PIEZO2: variants seen among roughly 807,000 people sequenced by gnomAD.
The protein encoded by PIEZO2 is piezo-type mechanosensitive ion channel component 2.
Under a neutral mutation model 337.3 loss-of-function variants are expected in PIEZO2, and 172 were observed. That is an observed-to-expected ratio of 0.51 (90% CI 0.45 to 0.58). The LOEUF (loss-of-function observed/expected upper bound fraction) is 0.58. PIEZO2 is among the 20% of genes least tolerant of loss of function. PIEZO2 has a pLI of 0.00. For synonymous variants in PIEZO2, 1,251 were observed against 1,228.5 expected, an observed-to-expected ratio of 1.02 and a Z score of -0.38; for missense variants, 3,028 against 3,391.3, an observed-to-expected ratio of 0.89 and a Z score of 2.66.
intron 1 of PIEZO2, among the ~76,000 whole-genome samples, chr18:11,103,057 G>A (rs1316184332): frequency 6.6e-6 from 1 of 152,112 alleles, no homozygotes; most frequent in Non-Finnish European, 1.5e-5. Flanking sequence ...ATTTGTGGAG[G>A]GGTTTGAGAG....
intron 3 of PIEZO2, among the ~76,000 whole-genome samples, chr18:10,971,196 T>G (rs977812767): frequency 6.6e-6 from 1 of 152,178 alleles, no homozygotes; most frequent in East Asian, 1.9e-4. Flanking sequence ...CAAAGCCATC[T>G]TCAAAATTTT....
chr18:11,138,385 T>A (rs1331776196), intron 1 of PIEZO2, among the ~76,000 whole-genome samples: 1 of 152,202 alleles, frequency 6.6e-6, no homozygotes, highest in African/African-American at 2.4e-5. Flanking sequence ...AACCTCTGCC[T>A]CTGGGACTCA....
chr18:10,965,679 A>G (rs2033967279), intron 3 of PIEZO2, among the ~76,000 whole-genome samples: 1 of 152,228 alleles, frequency 6.6e-6, no homozygotes, highest in South Asian at 2.1e-4. Flanking sequence ...TAAACAACAG[A>G]TTTATATGTG....
intron 3 of PIEZO2, among the ~76,000 whole-genome samples, chr18:10,970,775 T>C (rs1003031302): frequency 1.3e-5 from 2 of 151,734 alleles, no homozygotes; most frequent in African/African-American, 2.4e-5. Context: ...ACTTGATCCA[T>C]GCCAGGAACT....
intron 36 of PIEZO2, chr18:10,725,407 A>G (rs1423340193): frequency 3.1e-6 from 5 of 1,604,324 alleles, no homozygotes; most frequent in African/African-American, 2.7e-5. Flanking sequence ...TTGGCGGTCA[A>G]CCTGACCAGA....
chr18:11,103,242 C>T (rs542843286), intron 1 of PIEZO2, among the ~76,000 whole-genome samples: 1 of 152,306 alleles, frequency 6.6e-6, no homozygotes, highest in East Asian at 1.9e-4. Context: ...AAATAAACAA[C>T]TTATACAATA....
chr18:10,725,992 C>G (rs1219986078), intron 36 of PIEZO2, among the ~76,000 whole-genome samples: 8 of 152,146 alleles, frequency 5.3e-5, no homozygotes, highest in Non-Finnish European at 1.2e-4. Flanking sequence ...TGGTTTTTAC[C>G]GAAGGCATCA....
intron 4 of PIEZO2, among the ~76,000 whole-genome samples, chr18:10,880,221 C>T (rs1470342697): frequency 6.6e-6 from 1 of 152,178 alleles, no homozygotes; most frequent in Non-Finnish European, 1.5e-5. Flanking sequence ...CCAATTGAGG[C>T]ACTGATGGCC....
At position 10,789,330 on chromosome 18, in the gene PIEZO2, G is replaced by A. The variant is rs1598482424; in HGVS notation, c.1918C>T (p.Pro640Ser). The change falls in exon 15 of 56, where the codon CCC becomes TCC. Residue 640 changes from proline (P) to serine (S), a missense_variant. Around this residue, in one of 5 missense-constraint regions of PIEZO2, gnomAD observed 1,925 missense variants for 2,051.9 expected, o/e 0.94. Coordinates refer to ENST00000674853, the MANE Select transcript of PIEZO2 (RefSeq NM_001378183.1). ...ELQDIQVEGEPKEEEEEEAKE... is the reference protein window; with the variant it reads ...ELQDIQVEGESKEEEEEEAKE... Reference sequence around the variant, plus strand: ...GCTTCCTCTTCTTCCTCCTCTTTGGGCTCTCCTTCCACTTGTATATCTTGA... The same window carrying A: ...GCTTCCTCTTCTTCCTCCTCTTTGGACTCTCCTTCCACTTGTATATCTTGA... 2.0e-6 allele frequency: 3 copies of A among 1,536,686 alleles called. No individual in the cohort carries two copies. In the East Asian group the frequency reaches 7.3e-5, roughly 38 times the overall value.
Position 10,821,801 on chromosome 18 carries a change from G to A in PIEZO2, c.918-14527C>T, listed in dbSNP as rs999642268. Among the ~76,000 whole-genome samples, 6 of 152,032 alleles carry A rather than the reference G, an allele frequency of 3.9e-5. No homozygotes were observed. The highest frequency in any genetic ancestry group is 1.4e-4 in the African/African-American group (6 of 41,410). ...CTCTTTCAACTTCTTCCACACTTTTGTCTTTCTTGAATTCTTAGCAGAGAA... is the reference window on the plus strand; with the variant it reads ...CTCTTTCAACTTCTTCCACACTTTTATCTTTCTTGAATTCTTAGCAGAGAA... On this transcript the variant is annotated intron_variant, in intron 7 of 55. Transcript: ENST00000674853. This position sits in a 1 kb window ranked among gnomAD's most constrained non-coding sequence, Gnocchi z 4.2.
rs1213329366 is a variant in PIEZO2 at position 10,715,965 on chromosome 18, G to A, written c.5090-149C>T. The A allele has an allele frequency of 3.2e-5, 21 of 656,202 alleles. No homozygotes were observed. The East Asian group carries it at 3.6e-4, about 11-fold the overall frequency. The allele number at this position is 656,202 out of a possible 1,614,324, so 40.6% of individuals were successfully genotyped here. ...TGTGACTCAGATACTCATGACGCAC[G>A]GAGGAGAGCTGCCATGCAGGAAGCT... On this transcript the variant is annotated intron_variant, in intron 37 of 55. Transcript: ENST00000674853.
At chr18:10,851,181 G>A (rs1159892705) in intron 7 of PIEZO2, among the ~76,000 whole-genome samples, 2 of 85,326 alleles carry the variant, frequency 2.3e-5, no homozygotes, top group Non-Finnish European at 5.0e-5. Context: ...TTGCCAGTCT[G>A]CAGTTTGTTT....
intron 7 of PIEZO2, among the ~76,000 whole-genome samples, chr18:10,808,919 A>G (rs1377399565): frequency 6.6e-6 from 1 of 152,202 alleles, no homozygotes; most frequent in Non-Finnish European, 1.5e-5. Context: ...CCTGGCACAT[A>G]TGCTAGAACT....
Position 11,078,708 on chromosome 18 carries a change from T to C in PIEZO2, c.65-12486A>G, listed in dbSNP as rs2038636559. On this transcript the variant is annotated intron_variant, in intron 1 of 55. Coordinates refer to ENST00000674853, the MANE Select transcript of PIEZO2 (RefSeq NM_001378183.1). The surrounding 1 kb of genome is among the most constrained non-coding windows in gnomAD (Gnocchi z 5.3). The stretch of plus-strand genomic sequence containing the variant: ...AGACACATGCGGCCTCTGACCACAG[T>C]GTGAAAACCTCGCTCCCAGAGCAAC... Among the ~76,000 whole-genome samples the C allele has an allele frequency of 6.6e-6, 1 of 152,198 alleles. No individual in the cohort carries two copies. The highest frequency in any genetic ancestry group is 2.1e-4 in the South Asian group (1 of 4,826).
rs578017861 is a variant in PIEZO2 at position 10,955,278 on chromosome 18, G to A, written c.286+24257C>T. Among the ~76,000 whole-genome samples the A allele has an allele frequency of 4.6e-5, 7 of 152,300 alleles. No individual in the cohort carries two copies. The East Asian group carries it at 5.8e-4, about 13-fold the overall frequency. On this transcript the variant is annotated intron_variant, in intron 3 of 55. Transcript: ENST00000674853. ...AAAAAGGACTTTAGGAAGAGCAATC[G>A]AGGTTGGGCTCAGGTAGGAAAACGA... is the stretch of plus-strand genomic sequence containing the variant.
intron 15 of PIEZO2, among the ~76,000 whole-genome samples, chr18:10,788,709 C>G (rs1027066341): frequency 6.6e-6 from 1 of 152,244 alleles, no homozygotes; most frequent in East Asian, 1.9e-4. Context: ...TACCAAGAAG[C>G]TAGGACTACA....
In PIEZO2 at chr18:10,759,388, G is replaced by A; in HGVS notation, c.3757+94C>T. On this transcript the variant is annotated intron_variant, in intron 26 of 55. Transcript: ENST00000674853. This position sits in a 1 kb window ranked among gnomAD's most constrained non-coding sequence, Gnocchi z 5.5. ...CCTTTACATGATTACGAAGTCTAGT[G>A]GAAGACAAAAGGCACTAATGCATAG... The A allele has an allele frequency of 9.5e-7, 1 of 1,050,650 alleles. No homozygotes were observed. Among genetic ancestry groups the A allele is most frequent in the Middle Eastern group, 3.0e-4 (1 of 3,354 alleles). 65.1% of individuals were successfully genotyped at this position (1,050,650 alleles called of 1,614,324 possible).
At chr18:10,752,003 G>A (rs950722209) in intron 28 of PIEZO2, among the ~76,000 whole-genome samples, 1 of 152,208 alleles carries the variant, frequency 6.6e-6, no homozygotes, top group African/African-American at 2.4e-5. Context: ...GCGGGTTGTG[G>A]GGGGGGAGGG....
chr18:11,020,552 T>C (rs2036274075), intron 2 of PIEZO2, among the ~76,000 whole-genome samples: 1 of 152,144 alleles, frequency 6.6e-6, no homozygotes, highest in Admixed American at 6.5e-5. Context: ...CACTCACAGC[T>C]CTTGGGGCTG....
Sources: allele counts gnomAD v4.1 joint callset (sites outside exome capture counted in the v4.1 genomes callset), GRCh38; gene constraint gnomAD v4.1.1; regional missense constraint gnomAD v4.1.1; non-coding constraint Gnocchi (gnomAD v3.1); transcripts MANE v1.5; gene names NCBI Gene and HGNC (gene_info 2026-07-23, HGNC 2026-07-21).